C9: variants seen among roughly 807,000 people sequenced by gnomAD.
The protein encoded by C9 is complement C9, also known as complement component C9.
A neutral mutation model predicts 65.4 loss-of-function variants in C9; 63 were observed. The ratio of observed to expected loss-of-function variants is 0.96; its 90% CI spans 0.79 to 1.19. The LOEUF is 1.19. Ranked by LOEUF, C9 falls within the 50% of genes most tolerant of loss-of-function variation. The pLI, the probability that C9 is intolerant of heterozygous loss-of-function variation, is 0.00. For missense variants in C9, 744 were observed against 670.1 expected (o/e 1.11, Z -1.22); for synonymous variants, 229 against 227.9 (o/e 1.00, Z -0.04).
At chr5:39,310,120 A>T (rs1753454156) in intron 7 of C9, among the ~76,000 whole-genome samples, 1 of 152,166 alleles carries the variant, frequency 6.6e-6, no homozygotes, top group South Asian at 2.1e-4. Context: ...AGACTGAGGC[A>T]TCAAGACCAG....
intron 9 of C9, among the ~76,000 whole-genome samples, chr5:39,290,240 T>C (rs938878161): frequency 2.6e-5 from 4 of 151,836 alleles, no homozygotes; most frequent in African/African-American, 7.3e-5. Context: ...TTGATGATCA[T>C]AGAAAAAAAT....
Position 39,308,348 on chromosome 5 carries a change from T to C in C9, c.1122A>G (p.Leu374=). Residue 374 remains leucine (L), a synonymous_variant, in exon 8 of 11, where the codon CTA becomes CTG. Coordinates refer to ENST00000263408, the MANE Select transcript of C9 (RefSeq NM_001737.5). The part of the protein sequence containing the change: ...KASMKRKGVE[L]KDIKRCLGYH... The stretch of plus-strand genomic sequence containing the variant: ...ACCCAAGGCATCTCTTTATGTCTTT[T>C]AGTTCAACACCTGTTTAATGAATTT... 1 of 1,590,210 alleles carries C rather than the reference T, an allele frequency of 6.3e-7. No individual in the cohort carries two copies. Among genetic ancestry groups the C allele is most frequent in the Non-Finnish European group, 8.6e-7 (1 of 1,158,336 alleles).
Position 39,308,183 on chromosome 5 carries a change from A to T in C9, c.1240+47T>A, listed in dbSNP as rs1373308960. ...TTGCAAGAGGGCAGTGCTCATTGAC[A>T]TCTACCCTCAGGCTTTATAAAATCT... On this transcript the variant is annotated intron_variant, in intron 8 of 10. Coordinates refer to ENST00000263408, the MANE Select transcript of C9 (RefSeq NM_001737.5). The T allele has an allele frequency of 4.5e-6, 7 of 1,560,880 alleles. No homozygotes were observed. In the Admixed American group the frequency reaches 5.0e-5, roughly 11 times the overall value.
chr5:39,353,287 A>G (rs1237528120), intron 1 of C9, among the ~76,000 whole-genome samples: 2 of 152,242 alleles, frequency 1.3e-5, no homozygotes, highest in Non-Finnish European at 2.9e-5. Flanking sequence ...GATCTGTTAA[A>G]TAATAAATTT....
chr5:39,287,368 T>C (rs1456557708), intron 10 of C9, among the ~76,000 whole-genome samples: 1 of 151,932 alleles, frequency 6.6e-6, no homozygotes, highest in Non-Finnish European at 1.5e-5. Context: ...TTTTTGTATA[T>C]GGTAAGAGAA....
intron 5 of C9, among the ~76,000 whole-genome samples, chr5:39,329,746 A>G (rs780274558): frequency 1.3e-5 from 2 of 152,232 alleles, no homozygotes; most frequent in Non-Finnish European, 2.9e-5. Context: ...GGTATTGGTA[A>G]TAAGCTATAA....
At chr5:39,308,659 G>A (rs939371391) in intron 7 of C9, among the ~76,000 whole-genome samples, 1 of 152,090 alleles carries the variant, frequency 6.6e-6, no homozygotes, top group African/African-American at 2.4e-5. Flanking sequence ...CATAGAAAAG[G>A]GACAACAATG....
chr5:39,309,285 CAT>C (rs930272418), intron 7 of C9, among the ~76,000 whole-genome samples: 27 of 152,034 alleles, frequency 1.8e-4, no homozygotes, highest in African/African-American at 5.8e-4. Flanking sequence ...CACACACACA[CAT>C]ACACACGAAT....
At chr5:39,356,543 A>G (rs1455236343) in intron 1 of C9, among the ~76,000 whole-genome samples, 1 of 152,236 alleles carries the variant, frequency 6.6e-6, no homozygotes, top group Non-Finnish European at 1.5e-5. Flanking sequence ...GCTTACACCT[A>G]AATGATGTCA....
chr5:39,351,775 A>G lies in C9; in HGVS notation c.78-9579T>C, dbSNP rs1442346464. Among the ~76,000 whole-genome samples, 5 of 152,132 alleles carry G rather than the reference A, an allele frequency of 3.3e-5. 1 individual carries two copies. The highest frequency in any genetic ancestry group is 7.4e-5 in the Non-Finnish European group (5 of 68,018). On this transcript the variant is annotated intron_variant, in intron 1 of 10. Transcript: ENST00000263408. The stretch of plus-strand genomic sequence containing the variant: ...TCAGCATTTTGGCCCAAATCACTCA[A>G]CAAGTCTCTAGGAAGTTCCAAATTT...
At chr5:39,305,177 T>C (rs1579845624) in intron 9 of C9, among the ~76,000 whole-genome samples, 2 of 152,286 alleles carry the variant, frequency 1.3e-5, no homozygotes, top group Admixed American at 1.3e-4. Context: ...TTTAATAAGA[T>C]CAAAGAGGCA....
chr5:39,342,391 T>C (rs696764), intron 1 of C9, among the ~76,000 whole-genome samples, 195 bp from the exon 2 acceptor site: 111,473 of 152,082 alleles, frequency 0.73, 43,055 homozygotes, highest in Non-Finnish European at 0.86. Flanking sequence ...AATTCTTGTC[T>C]GTATTGTAAG....
At chr5:39,297,849 C>T (rs1753212367) in intron 9 of C9, among the ~76,000 whole-genome samples, 1 of 151,682 alleles carries the variant, frequency 6.6e-6, no homozygotes, top group Non-Finnish European at 1.5e-5. Flanking sequence ...ATTGACCTAA[C>T]TGACATTTAC....
chr5:39,287,447 G>A (rs1361248238), intron 10 of C9, among the ~76,000 whole-genome samples: 1 of 151,942 alleles, frequency 6.6e-6, no homozygotes, highest in East Asian at 1.9e-4. Context: ...GGTATCTACC[G>A]AGAGGAAAAT....
At chr5:39,346,484 C>T (rs1163631138) in intron 1 of C9, among the ~76,000 whole-genome samples, 1 of 152,094 alleles carries the variant, frequency 6.6e-6, no homozygotes, top group Non-Finnish European at 1.5e-5. Flanking sequence ...GAAGTTGAAT[C>T]CCTGAATAGA....
At chr5:39,308,382 A>T in intron 7 of C9, 24 bp from the exon 8 acceptor site, 1 of 1,539,882 alleles carries the variant, frequency 6.5e-7, no homozygotes. Flanking sequence ...TTATTTGAAA[A>T]TTATTAGATA....
At chr5:39,361,953 GAT>G (rs763645209) in intron 1 of C9, among the ~76,000 whole-genome samples, 61 of 152,324 alleles carry the variant, frequency 4.0e-4, no homozygotes, top group Non-Finnish European at 7.9e-4. Context: ...AAACAAGAAA[GAT>G]AGCAAAGTGA....
chr5:39,354,383 T>C (rs1370283680), intron 1 of C9, among the ~76,000 whole-genome samples: 1 of 152,222 alleles, frequency 6.6e-6, no homozygotes, highest in East Asian at 1.9e-4. Flanking sequence ...CATTCTATAC[T>C]GATTAAATCA....
intron 5 of C9, among the ~76,000 whole-genome samples, chr5:39,320,913 A>C (rs1171919410): frequency 1.3e-5 from 2 of 152,152 alleles, no homozygotes; most frequent in African/African-American, 4.8e-5. Context: ...CCAATCAAGA[A>C]TAGTATACTT....
Sources: allele counts gnomAD v4.1 joint callset (sites outside exome capture counted in the v4.1 genomes callset), GRCh38; gene constraint gnomAD v4.1.1; transcripts MANE v1.5; gene names NCBI Gene and HGNC (gene_info 2026-07-23, HGNC 2026-07-21).